Variants in JADE2 observed in about 807,000 individuals in gnomAD.
JADE2 encodes jade family PHD finger 2, also known as E3 ubiquitin-protein ligase Jade-2.
A neutral mutation model predicts 85.7 loss-of-function variants in JADE2; 13 were observed. That is an observed-to-expected ratio of 0.15 (90% confidence interval 0.10 to 0.24). The LOEUF is 0.24. Ranked by LOEUF, JADE2 falls within the 10% of genes least tolerant of loss-of-function variation. The pLI is 1.00. For synonymous variants in JADE2, 440 were observed against 456.1 expected, an observed-to-expected ratio of 0.96 and a Z score of 0.45; for missense variants, 846 against 1,115.9, an observed-to-expected ratio of 0.76 and a Z score of 3.45.
intron 7 of JADE2, 98 bp from the exon 8 acceptor site, chr5:134,564,396 C>G: frequency 1.4e-6 from 1 of 717,878 alleles, no homozygotes. Context: ...GCCCTGTCTG[C>G]CCACCACCTA....
At chr5:134,526,119 G>C in intron 1 of JADE2, 108 bp downstream of exon 1, 1 of 984,890 alleles carries the variant, frequency 1.0e-6, no homozygotes, top group Non-Finnish European at 1.2e-6. Context: ...TCTCTTGCTC[G>C]CTCGCTCCCT....
Position 134,525,883 on chromosome 5 carries a change from G to T in JADE2, c.-129G>T. ...GCCTCCCTCGCCGCGACCCCGGATG[G>T]ATGCGCGCCCCCCGCCCTCCCGCGC... is the stretch of plus-strand genomic sequence containing the variant. On this transcript the variant is annotated 5_prime_UTR_variant, in exon 1 of 12. Coordinates refer to ENST00000681547, the MANE Select transcript of JADE2 (RefSeq NM_001388185.1). The T allele has an allele frequency of 1.0e-6, 1 of 986,640 alleles. No individual in the cohort carries two copies. Among genetic ancestry groups the T allele is most frequent in the Non-Finnish European group, 1.2e-6 (1 of 830,868 alleles). The allele number at this position is 986,640 out of a possible 1,614,324, so 61.1% of individuals were successfully genotyped here.
chr5:134,573,494 G>T, intron 9 of JADE2, 151 bp from the exon 10 acceptor site: 1 of 688,804 alleles, frequency 1.5e-6, no homozygotes, highest in Non-Finnish European at 2.6e-6. Context: ...CTCAGGGTCT[G>T]GGAATTGTTT....
At chr5:134,551,097 G>T (rs1170724004) in intron 3 of JADE2, among the ~76,000 whole-genome samples, 2 of 152,202 alleles carry the variant, frequency 1.3e-5, no homozygotes, top group African/African-American at 4.8e-5. Flanking sequence ...CTTTCCTGGG[G>T]TTGGCGCCCT....
intron 1 of JADE2, chr5:134,526,580 C>A: frequency 1.6e-5 from 16 of 985,436 alleles, no homozygotes; most frequent in Non-Finnish European, 1.8e-5. Context: ...GCTGGGCTCA[C>A]GTGCAGCCGG....
At chr5:134,530,450 C>T (rs984295963) in intron 1 of JADE2, among the ~76,000 whole-genome samples, 3 of 151,964 alleles carry the variant, frequency 2.0e-5, no homozygotes, top group African/African-American at 7.2e-5. Context: ...GCCTAGTGGC[C>T]CCTGGAGAGG....
chr5:134,552,478 AAT>A (rs760580702), intron 4 of JADE2, among the ~76,000 whole-genome samples: 13 of 152,336 alleles, frequency 8.5e-5, no homozygotes, highest in South Asian at 4.1e-4. Context: ...TTAGACCAGA[AAT>A]GTAATCTCTC....
intron 3 of JADE2, among the ~76,000 whole-genome samples, chr5:134,540,067 G>A (rs1348673428): frequency 6.6e-6 from 1 of 152,114 alleles, no homozygotes; most frequent in Non-Finnish European, 1.5e-5. Context: ...GTGGGACAGT[G>A]TTGAAGCTCT....
At chr5:134,547,610 T>G (rs1240825032) in intron 3 of JADE2, among the ~76,000 whole-genome samples, 3 of 152,258 alleles carry the variant, frequency 2.0e-5, no homozygotes, top group Non-Finnish European at 4.4e-5. Flanking sequence ...TCCTGGAAAT[T>G]CAACACAAAA....
At chr5:134,535,814 TC>T (rs770764681) in intron 1 of JADE2, 43 bp from the exon 2 acceptor site, 2 of 1,577,006 alleles carry the variant, frequency 1.3e-6, no homozygotes, top group South Asian at 2.2e-5. Context: ...GTTGAGGATT[TC>T]CCAAGCCATC....
chr5:134,578,602 A>G lies in JADE2; in HGVS notation c.1790A>G (p.Asn597Ser). Residue 597 changes from asparagine (N) to serine (S), a missense_variant, in exon 12 of 12, where the codon AAC becomes AGC. Asn to Ser is a conservative substitution (Grantham distance 46). Coordinates refer to ENST00000681547, the MANE Select transcript of JADE2 (RefSeq NM_001388185.1). This position sits in a 1 kb window ranked among gnomAD's most constrained non-coding sequence, Gnocchi z 4.4. ...ATGGCCATGAGCGAGTGGCCACTGA[A>G]CAATGGGCACCGCGAGGACCCTGCT... ...ENMAMSEWPLNNGHREDPAPG... is the reference protein window; with the variant it reads ...ENMAMSEWPLSNGHREDPAPG... 6.2e-7 allele frequency: 1 copy of G among 1,614,188 alleles called. No homozygotes were observed. Among genetic ancestry groups the G allele is most frequent in the Non-Finnish European group, 8.5e-7 (1 of 1,180,036 alleles).
In JADE2 at chr5:134,526,876, TGTACCGGCGGCGGCC is replaced by T. The variant is rs1347489245; in HGVS notation, c.-1+867_-1+881del. The stretch of plus-strand genomic sequence containing the variant: ...GGGAGAGGCGCTGGGAGAGTGGAAA[TGTACCGGCGGCGGCC>T]GGAGCGGCGGGTGCGCGCCCGCGGG... On this transcript the variant is annotated intron_variant, in intron 1 of 11. Transcript: ENST00000681547. The T allele has an allele frequency of 9.3e-6, 6 of 646,078 alleles. No individual in the cohort carries two copies. The East Asian group carries it at 8.3e-4, about 89-fold the overall frequency. 40.0% of individuals were successfully genotyped at this position (646,078 alleles called of 1,614,324 possible).
At position 134,578,737 on chromosome 5, in the gene JADE2, C is replaced by T; in HGVS notation, c.1925C>T (p.Thr642Ile). ...GDPARKARGR[T>I]RLPAKKKPPP... ...CCTGCTAGGAAGGCCCGAGGCCGCACCCGCCTGCCTGCCAAGAAGAAACCA... is the reference window on the plus strand; with the variant it reads ...CCTGCTAGGAAGGCCCGAGGCCGCATCCGCCTGCCTGCCAAGAAGAAACCA... Residue 642 changes from threonine (T) to isoleucine (I), a missense_variant, in exon 12 of 12, where the codon ACC becomes ATC. Physicochemically the swap from Thr to Ile is moderately conservative, Grantham distance 89. This residue lies in a region of JADE2 where 300 missense variants were observed against 300.7 expected (regional missense o/e 1.00). Coordinates refer to ENST00000681547, the MANE Select transcript of JADE2 (RefSeq NM_001388185.1). This position sits in a 1 kb window ranked among gnomAD's most constrained non-coding sequence, Gnocchi z 4.4. 1 of 1,613,546 alleles carries T rather than the reference C, an allele frequency of 6.2e-7. No homozygotes were observed. The highest frequency in any genetic ancestry group is 1.1e-5 in the South Asian group (1 of 91,080).
intron 6 of JADE2, among the ~76,000 whole-genome samples, chr5:134,561,455 G>A (rs1375800144): frequency 6.6e-6 from 1 of 152,200 alleles, no homozygotes; most frequent in Non-Finnish European, 1.5e-5. Context: ...GAACAGTCTA[G>A]TAAGGGCTAT....
chr5:134,558,232 G>A (rs1404282657), intron 4 of JADE2, among the ~76,000 whole-genome samples: 1 of 109,380 alleles, frequency 9.1e-6, no homozygotes, highest in Non-Finnish European at 1.8e-5. Flanking sequence ...GGGGTTGTTT[G>A]TTTTTTTCTT....
chr5:134,548,716 T>C (rs2149922469), intron 3 of JADE2, among the ~76,000 whole-genome samples: 1 of 152,308 alleles, frequency 6.6e-6, no homozygotes, highest in Admixed American at 6.5e-5. Flanking sequence ...CTGCCCTGAG[T>C]TCTCAGTGCC....
Position 134,525,996 on chromosome 5 carries a change from G to A in JADE2, c.-16G>A, listed in dbSNP as rs1361974225. ...AGCCGAGGGCAGCGCCCGTCAGGGG[G>A]GCACCGCGGAGCAAGGTAAGATCCA... On this transcript the variant is annotated 5_prime_UTR_variant, in exon 1 of 12. Coordinates refer to ENST00000681547, the MANE Select transcript of JADE2 (RefSeq NM_001388185.1). 1.0e-6 allele frequency: 1 copy of A among 985,420 alleles called. No individual in the cohort carries two copies. The highest frequency in any genetic ancestry group is 1.2e-6 in the Non-Finnish European group (1 of 830,106). The allele number at this position is 985,420 out of a possible 1,614,324, so 61.0% of individuals were successfully genotyped here. A position where few individuals can be genotyped will look rare whatever the true frequency, so the allele number is the denominator to read the frequency against.
chr5:134,537,320 C>A (rs546862515), intron 2 of JADE2, among the ~76,000 whole-genome samples: 12 of 152,318 alleles, frequency 7.9e-5, no homozygotes, highest in Non-Finnish European at 1.5e-4. Flanking sequence ...CCAGCAAGGG[C>A]CTTAGACCCT....
At chr5:134,549,682 CAGGATGAGAGAACAGCAAAAG>C in intron 3 of JADE2, among the ~76,000 whole-genome samples, 1 of 152,022 alleles carries the variant, frequency 6.6e-6, no homozygotes. Context: ...AGTTACAGCC[CAGGATGAGAGAACAGCAAAAG>C]GTTTCTAACC....
Sources: gnomAD v4.1 joint callset for allele counts (sites outside exome capture counted in the v4.1 genomes callset) on GRCh38, gnomAD v4.1.1 for gene constraint, gnomAD v4.1.1 regional missense constraint, Gnocchi (gnomAD v3.1) non-coding constraint, MANE v1.5 for transcripts, NCBI Gene and HGNC (gene_info 2026-07-23, HGNC 2026-07-21) for gene names.